Variants in TDRD3 observed in about 807,000 individuals in gnomAD.
TDRD3 encodes the protein tudor domain containing 3, also known as tudor domain-containing protein 3.
In TDRD3, 45 loss-of-function variants were observed where a neutral mutation model predicts 86.7. The ratio of observed to expected loss-of-function variants is 0.52; its 90% CI spans 0.41 to 0.67. TDRD3 has a LOEUF of 0.67. Ranked by LOEUF, TDRD3 falls within the 30% of genes least tolerant of loss-of-function variation. TDRD3 has a pLI of 0.00. For missense variants in TDRD3, 814 were observed against 889.0 expected (o/e 0.92, Z 1.07); for synonymous variants, 298 against 301.7 (o/e 0.99, Z 0.13).
chr13:60,566,532 T>C (rs891305338), intron 12 of TDRD3, among the ~76,000 whole-genome samples: 2 of 152,086 alleles, frequency 1.3e-5, no homozygotes, highest in African/African-American at 4.8e-5. Context: ...AGAGAAAAAA[T>C]AGGATTAATT....
intron 1 of TDRD3, among the ~76,000 whole-genome samples, chr13:60,417,019 C>CTTT (rs560202011): frequency 1.1e-4 from 15 of 141,976 alleles, no homozygotes; most frequent in African/African-American, 3.6e-4. Context: ...CTCTCTCTCT[C>CTTT]TTTTTTTTTT....
chr13:60,476,700 C>T (rs577167368), intron 5 of TDRD3, among the ~76,000 whole-genome samples: 2 of 152,028 alleles, frequency 1.3e-5, no homozygotes, highest in East Asian at 3.9e-4. Flanking sequence ...GGGCATGGAA[C>T]GTTTCCATTT....
chr13:60,553,772 A>G (rs532119133), intron 12 of TDRD3, among the ~76,000 whole-genome samples: 3 of 152,154 alleles, frequency 2.0e-5, no homozygotes, highest in Admixed American at 1.3e-4. Context: ...CCATGATCCA[A>G]TCACCTCCCA....
intron 3 of TDRD3, among the ~76,000 whole-genome samples, chr13:60,446,495 GGGATTACA>G (rs1167395356): frequency 3.9e-5 from 6 of 152,008 alleles, no homozygotes; most frequent in Non-Finnish European, 2.9e-5. Context: ...CCAAAGTATT[GGGATTACA>G]GGTGTGAGCC....
At chr13:60,490,726 G>A (rs1956568034) in intron 7 of TDRD3, among the ~76,000 whole-genome samples, 1 of 152,190 alleles carries the variant, frequency 6.6e-6, no homozygotes, top group African/African-American at 2.4e-5. Context: ...AAACATAGCA[G>A]TTGTGTAGGT....
intron 8 of TDRD3, among the ~76,000 whole-genome samples, chr13:60,501,232 A>G (rs1361410437): frequency 6.6e-6 from 1 of 152,168 alleles, no homozygotes; most frequent in African/African-American, 2.4e-5. Flanking sequence ...GTGTTGGACG[A>G]TGACTCTTTT....
intron 12 of TDRD3, among the ~76,000 whole-genome samples, chr13:60,545,183 G>T (rs573316605): frequency 6.6e-6 from 1 of 152,262 alleles, no homozygotes; most frequent in East Asian, 1.9e-4. Context: ...ACCTAATATT[G>T]TTAAGGCTAC....
intron 12 of TDRD3, among the ~76,000 whole-genome samples, chr13:60,559,537 A>C (rs2137948790): frequency 6.6e-6 from 1 of 152,332 alleles, no homozygotes; most frequent in East Asian, 1.9e-4. Context: ...GACAATAATC[A>C]TTACATGATG....
intron 1 of TDRD3, among the ~76,000 whole-genome samples, chr13:60,433,580 T>G (rs754925239): frequency 1.3e-5 from 2 of 152,268 alleles, no homozygotes; most frequent in Non-Finnish European, 2.9e-5. Context: ...CAACACTGTA[T>G]GTCAGAGACA....
At chr13:60,451,030 G>A (rs1955527821) in intron 3 of TDRD3, among the ~76,000 whole-genome samples, 2 of 152,156 alleles carry the variant, frequency 1.3e-5, no homozygotes, top group Admixed American at 1.3e-4. Flanking sequence ...CTCCTTTGTA[G>A]TGGAAACTAA....
At chr13:60,528,273 G>T in intron 10 of TDRD3, 94 bp from the exon 11 acceptor site, 1 of 1,321,620 alleles carries the variant, frequency 7.6e-7, no homozygotes, top group Non-Finnish European at 1.0e-6. Context: ...ATAGTAGTTT[G>T]ATAATTTTGT....
At chr13:60,417,635 C>T (rs866823158) in intron 1 of TDRD3, among the ~76,000 whole-genome samples, 1 of 152,198 alleles carries the variant, frequency 6.6e-6, no homozygotes, top group Admixed American at 6.5e-5. Context: ...AGCCGCCACA[C>T]TGGCCGATTT....
intron 1 of TDRD3, among the ~76,000 whole-genome samples, chr13:60,424,655 C>T (rs918536743): frequency 6.6e-6 from 1 of 152,122 alleles, no homozygotes; most frequent in Non-Finnish European, 1.5e-5. Flanking sequence ...CCAGCCTGCG[C>T]AACAGAAGGC....
intron 10 of TDRD3, among the ~76,000 whole-genome samples, chr13:60,522,250 T>G (rs566256113): frequency 5.9e-5 from 9 of 152,294 alleles, no homozygotes; most frequent in African/African-American, 2.2e-4. Flanking sequence ...TATTAAAGCA[T>G]TCTTCCTGCC....
intron 2 of TDRD3, among the ~76,000 whole-genome samples, chr13:60,440,728 A>G (rs1247004042): frequency 9.2e-5 from 14 of 152,078 alleles, no homozygotes; most frequent in Admixed American, 9.2e-4. Context: ...TCCTGCAATT[A>G]CCCTCTGATT....
intron 1 of TDRD3, among the ~76,000 whole-genome samples, chr13:60,409,344 GA>G (rs1954305049): frequency 1.3e-5 from 2 of 152,180 alleles, no homozygotes; most frequent in Admixed American, 6.5e-5. Context: ...AGAGCTGTGA[GA>G]AGAAGGCCAC....
At chr13:60,430,591 A>T (rs1163304320) in intron 1 of TDRD3, among the ~76,000 whole-genome samples, 2 of 152,134 alleles carry the variant, frequency 1.3e-5, no homozygotes, top group Non-Finnish European at 2.9e-5. Flanking sequence ...CCTTCATTTT[A>T]TACTTTTAAA....
chr13:60,435,918 G>GTTTTTTTTTTTTTTTTTTTTTTTTT lies in TDRD3; in HGVS notation c.42-3757_42-3756insTTTTTTTTTTTTTTTTTTTTTTTTT, dbSNP rs767705603. The stretch of plus-strand genomic sequence containing the variant: ...AAACCACATCATGACAACATCTATG[G>GTTTTTTTTTTTTTTTTTTTTTTTTT]TTTTTTTTTTTTTACTTTTTAATTA... On this transcript the variant is annotated intron_variant, in intron 1 of 13. Coordinates refer to ENST00000377881, the MANE Select transcript of TDRD3 (RefSeq NM_001146070.2). Among the ~76,000 whole-genome samples the GTTTTTTTTTTTTTTTTTTTTTTTTT allele has an allele frequency of 1.5e-3, 187 of 124,438 alleles. 9 individuals carry two copies. The highest frequency in any genetic ancestry group is 2.3e-3 in the Non-Finnish European group (128 of 54,868). 81.6% of individuals were successfully genotyped at this position (124,438 alleles called of 152,430 possible). A position where few individuals can be genotyped will look rare whatever the true frequency, so the allele number is the denominator to read the frequency against.
intron 13 of TDRD3, among the ~76,000 whole-genome samples, chr13:60,572,988 G>A (rs1958621378): frequency 6.6e-6 from 1 of 152,166 alleles, no homozygotes; most frequent in African/African-American, 2.4e-5. Flanking sequence ...AGACTTACGA[G>A]CTGTTTGTAT....
Sources: allele counts gnomAD v4.1 joint callset (sites outside exome capture counted in the v4.1 genomes callset), GRCh38; gene constraint gnomAD v4.1.1; transcripts MANE v1.5; gene names NCBI Gene and HGNC (gene_info 2026-07-23, HGNC 2026-07-21).